SLC15A5: variants seen among roughly 807,000 people sequenced by gnomAD.
SLC15A5 encodes the protein Peptide/histidine transporter ENSP00000340402.
In SLC15A5, 58 loss-of-function variants were observed where a neutral mutation model predicts 56.1. The ratio of observed to expected loss-of-function variants is 1.03; its 90% CI spans 0.84 to 1.29. The LOEUF (loss-of-function observed/expected upper bound fraction) is 1.29. Ranked by LOEUF, SLC15A5 falls within the 50% of genes most tolerant of loss-of-function variation. SLC15A5 has a pLI of 0.00. For synonymous variants in SLC15A5, 264 were observed against 250.5 expected (o/e 1.05, Z -0.51); for missense variants, 681 against 672.1 (o/e 1.01, Z -0.15).
At chr12:16,233,109 A>T (rs2136254024) in intron 5 of SLC15A5, among the ~76,000 whole-genome samples, 1 of 152,284 alleles carries the variant, frequency 6.6e-6, no homozygotes, top group Admixed American at 6.5e-5. Flanking sequence ...ACCTTCTAAG[A>T]TACCCCTTAT....
chr12:16,189,906 A>G, intron 8 of SLC15A5, 91 bp from the exon 9 acceptor site: 2 of 941,708 alleles, frequency 2.1e-6, no homozygotes, highest in South Asian at 2.5e-5. Flanking sequence ...TCTACCTTTT[A>G]TGATGGGCTC....
Position 16,250,354 on chromosome 12 carries a change from A to G in SLC15A5, c.755-5554T>C, listed in dbSNP as rs185255589. 5.9e-5 allele frequency among the ~76,000 whole-genome samples: 9 copies of G among 152,168 alleles called. No homozygotes were observed. The East Asian group carries it at 1.7e-3, about 29-fold the overall frequency. On this transcript the variant is annotated intron_variant, in intron 3 of 8. Coordinates refer to ENST00000344941, the MANE Select transcript of SLC15A5 (RefSeq NM_001170798.1). Reference sequence around the variant, plus strand: ...ACAGGAGCAGAGGCAAAGCATCCAGAGTCTAGTCTGCAAAAGGTGCCCTTC... The same window carrying G: ...ACAGGAGCAGAGGCAAAGCATCCAGGGTCTAGTCTGCAAAAGGTGCCCTTC...
At chr12:16,230,232 A>C (rs943465086) in intron 5 of SLC15A5, among the ~76,000 whole-genome samples, 5 of 152,232 alleles carry the variant, frequency 3.3e-5, no homozygotes, top group African/African-American at 1.2e-4. Context: ...TTATCATATA[A>C]TCTTATTCTT....
At chr12:16,249,040 A>G (rs960989164) in intron 3 of SLC15A5, among the ~76,000 whole-genome samples, 3 of 151,996 alleles carry the variant, frequency 2.0e-5, no homozygotes, top group Non-Finnish European at 2.9e-5. Flanking sequence ...CTTGGCTCTA[A>G]TATTCTACTC....
intron 2 of SLC15A5, among the ~76,000 whole-genome samples, chr12:16,270,364 T>C (rs182724010): frequency 1.0e-3 from 153 of 152,274 alleles, no homozygotes; most frequent in Middle Eastern, 6.8e-3. Flanking sequence ...GGGTATGTTG[T>C]TTTTTAAAGG....
At chr12:16,223,414 C>A (rs2136249083) in intron 6 of SLC15A5, among the ~76,000 whole-genome samples, 1 of 152,192 alleles carries the variant, frequency 6.6e-6, no homozygotes, top group East Asian at 1.9e-4. Flanking sequence ...AAGATGTAAT[C>A]AATTACAGAG....
intron 1 of SLC15A5, among the ~76,000 whole-genome samples, chr12:16,277,079 G>A (rs1217462195): frequency 6.7e-6 from 1 of 150,364 alleles, no homozygotes; most frequent in African/African-American, 2.5e-5. Context: ...ATGTAAAGGA[G>A]TAATTATTAT....
At position 16,269,772 on chromosome 12, in the gene SLC15A5, G is replaced by T. The variant is rs1178257074; in HGVS notation, c.584+2789C>A. ...TCACCCTAGTAACCCCTTAGCAACA[G>T]ACTGTGATATGCAGATAGGATGCAA... On this transcript the variant is annotated intron_variant, in intron 2 of 8. Coordinates refer to ENST00000344941, the MANE Select transcript of SLC15A5 (RefSeq NM_001170798.1). The surrounding 1 kb of genome is among the most constrained non-coding windows in gnomAD (Gnocchi z 4.7). Among the ~76,000 whole-genome samples the T allele has an allele frequency of 6.6e-6, 1 of 152,176 alleles. No homozygotes were observed. The highest frequency in any genetic ancestry group is 2.4e-5 in the African/African-American group (1 of 41,436).
In SLC15A5 at chr12:16,277,653, C is replaced by T. The variant is rs1328719576; in HGVS notation, c.33G>A (p.Glu11=). ...CAATGCTGTGATATAAGTGTACTTT[C>T]TCATCAGTTATGGTAAAGCCTGTAA... MSVTGFTITD[E]KVHLYHSIEK... The change falls in exon 1 of 9, where the codon GAG becomes GAA. Residue 11 remains glutamate, a synonymous_variant. Transcript: ENST00000344941. 4 of 1,535,594 alleles carry T rather than the reference C, an allele frequency of 2.6e-6. No individual in the cohort carries two copies. Among genetic ancestry groups the T allele is most frequent in the Admixed American group, 3.9e-5 (2 of 50,922 alleles).
At chr12:16,244,932 G>T (rs1056621069) in intron 3 of SLC15A5, 132 bp from the exon 4 acceptor site, 2 of 866,886 alleles carry the variant, frequency 2.3e-6, no homozygotes, top group Non-Finnish European at 3.5e-6. Flanking sequence ...CCAAGGGGTC[G>T]GACTCAAAGG....
intron 5 of SLC15A5, among the ~76,000 whole-genome samples, chr12:16,238,597 T>C (rs527373187): frequency 3.1e-5 from 4 of 128,386 alleles, no homozygotes; most frequent in Admixed American, 9.8e-5. Flanking sequence ...GCCACTGCAC[T>C]CCAGCCTGGG....
rs1027711934 is a variant in SLC15A5, at chr12:16,243,654, C to A, written c.975+926G>T. ...GGCCTTCAGATAGTGGATGGCTAAC[C>A]CCTGGTTTAGAGGGGCAAGCACTGT... On this transcript the variant is annotated intron_variant, in intron 4 of 8. Transcript: ENST00000344941. The surrounding 1 kb of genome is among the most constrained non-coding windows in gnomAD (Gnocchi z 4.4). Among the ~76,000 whole-genome samples, 4 of 151,908 alleles carry A rather than the reference C, an allele frequency of 2.6e-5. No individual in the cohort carries two copies. The highest frequency in any genetic ancestry group is 9.7e-5 in the African/African-American group (4 of 41,360).
In SLC15A5 at chr12:16,271,587, G is replaced by GAA. The variant is rs1354523115; in HGVS notation, c.584+972_584+973dup. The stretch of plus-strand genomic sequence containing the variant: ...AAAGAAAAAAGGGGAGCAAGAGAAA[G>GAA]AAAAAGAAAGAAAGAGAAAAGAGGA... On this transcript the variant is annotated intron_variant, in intron 2 of 8. Coordinates refer to ENST00000344941, the MANE Select transcript of SLC15A5 (RefSeq NM_001170798.1). The surrounding 1 kb of genome is among the most constrained non-coding windows in gnomAD (Gnocchi z 8.0). Among the ~76,000 whole-genome samples, 7 of 4,488 alleles carry GAA rather than the reference G, an allele frequency of 1.6e-3. No homozygotes were observed. Among genetic ancestry groups the GAA allele is most frequent in the Non-Finnish European group, 6.8e-3 (6 of 878 alleles). 2.9% of individuals were successfully genotyped at this position (4,488 alleles called of 152,430 possible). A position where few individuals can be genotyped will look rare whatever the true frequency, so the allele number is the denominator to read the frequency against.
At chr12:16,232,535 G>A (rs1238827470) in intron 5 of SLC15A5, among the ~76,000 whole-genome samples, 1 of 152,132 alleles carries the variant, frequency 6.6e-6, no homozygotes, top group South Asian at 2.1e-4. Context: ...AGTACAATAA[G>A]ATGAAATTTT....
intron 5 of SLC15A5, among the ~76,000 whole-genome samples, chr12:16,225,558 G>T (rs1864232921): frequency 6.6e-6 from 1 of 152,102 alleles, no homozygotes; most frequent in African/African-American, 2.4e-5. Context: ...CTACTCATCT[G>T]ACAAAGGGCT....
intron 7 of SLC15A5, among the ~76,000 whole-genome samples, chr12:16,205,858 T>G (rs1262491799): frequency 3.3e-5 from 5 of 152,098 alleles, no homozygotes; most frequent in African/African-American, 4.8e-5. Context: ...AATGGAACTA[T>G]GAAAATCTTA....
chr12:16,195,962 A>C (rs1304844699), intron 7 of SLC15A5, among the ~76,000 whole-genome samples: 1 of 152,094 alleles, frequency 6.6e-6, no homozygotes, highest in Non-Finnish European at 1.5e-5. Context: ...AATAAATTAT[A>C]GCACAAATAA....
At chr12:16,189,963 C>A in intron 8 of SLC15A5, 148 bp from the exon 9 acceptor site, 1 of 575,864 alleles carries the variant, frequency 1.7e-6, no homozygotes, top group Non-Finnish European at 2.7e-6. Context: ...CACTGCTCAC[C>A]AAAACAGCCT....
chr12:16,257,159 TTG>T (rs1864584940), intron 3 of SLC15A5, among the ~76,000 whole-genome samples: 2 of 152,048 alleles, frequency 1.3e-5, no homozygotes, highest in Admixed American at 6.5e-5. Context: ...GATAATGACA[TTG>T]TGGTTATGTT....
Sources: allele counts gnomAD v4.1 joint callset (sites outside exome capture counted in the v4.1 genomes callset), GRCh38; gene constraint gnomAD v4.1.1; non-coding constraint Gnocchi (gnomAD v3.1); transcripts MANE v1.5; gene names NCBI Gene and HGNC (gene_info 2026-07-23, HGNC 2026-07-21).